The following ADORA2B variants were observed in gnomAD, a reference collection of about 807,000 sequenced individuals.
The protein encoded by ADORA2B is adenosine A2b receptor, also known as adenosine receptor A2b.
Under a neutral mutation model 20.8 loss-of-function variants are expected in ADORA2B, and 18 were observed. The ratio of observed to expected loss-of-function variants is 0.87; its 90% CI spans 0.60 to 1.29. The LOEUF (loss-of-function observed/expected upper bound fraction) is 1.29, where lower values mean the gene tolerates loss of function less well. Ranked by LOEUF, ADORA2B falls within the 50% of genes most tolerant of loss-of-function variation. ADORA2B has a pLI of 0.00. For missense variants in ADORA2B, 441 were observed against 422.7 expected (o/e 1.04, Z -0.38); for synonymous variants, 179 against 178.3 (o/e 1.00, Z -0.03).
chr17:15,955,529 C>T (rs1969955788), intron 1 of ADORA2B, among the ~76,000 whole-genome samples: 1 of 151,816 alleles, frequency 6.6e-6, no homozygotes, highest in South Asian at 2.1e-4. Context: ...GCCTCACCCT[C>T]CCGAGTAGCT....
the ADORA2B span, among the ~76,000 whole-genome samples, chr17:15,890,734 G>A: frequency 1.3e-5 from 2 of 152,136 alleles, no homozygotes; most frequent in African/African-American, 4.8e-5. Flanking sequence ...CACGGAGCTG[G>A]CCTCTGAGCA....
chr17:15,948,470 G>C (rs142680549), intron 1 of ADORA2B, among the ~76,000 whole-genome samples: 7 of 150,288 alleles, frequency 4.7e-5, no homozygotes, highest in Admixed American at 6.7e-5. Context: ...GGAGGTGGAC[G>C]TGTACAGGCA....
chr17:15,924,176 G>A, the ADORA2B span, among the ~76,000 whole-genome samples: 1 of 152,188 alleles, frequency 6.6e-6, no homozygotes, highest in Non-Finnish European at 1.5e-5. Flanking sequence ...GCCTCCCAAA[G>A]TGCTGGGATG....
the ADORA2B span, among the ~76,000 whole-genome samples, chr17:15,926,259 C>T: frequency 2.0e-5 from 3 of 151,934 alleles, no homozygotes; most frequent in African/African-American, 7.3e-5. Flanking sequence ...CGGGGTTGTG[C>T]CCTTTTGGAG....
At chr17:15,909,227 A>C in the ADORA2B span, among the ~76,000 whole-genome samples, 3 of 151,908 alleles carry the variant, frequency 2.0e-5, no homozygotes, top group African/African-American at 7.3e-5. Context: ...ACAACAACAA[A>C]ACTTTGCTCT....
chr17:15,901,920 T>C, the ADORA2B span, among the ~76,000 whole-genome samples: 1 of 152,170 alleles, frequency 6.6e-6, no homozygotes, highest in African/African-American at 2.4e-5. Context: ...AGTTTACAGT[T>C]CAGTGGTATT....
chr17:15,958,708 CCTT>C (rs1970000857), intron 1 of ADORA2B, among the ~76,000 whole-genome samples: 1 of 152,206 alleles, frequency 6.6e-6, no homozygotes, highest in African/African-American at 2.4e-5. Flanking sequence ...CCTGCGGTGA[CCTT>C]CTCTCTATCT....
chr17:15,920,080 C>A, the ADORA2B span, among the ~76,000 whole-genome samples: 2 of 151,948 alleles, frequency 1.3e-5, no homozygotes, highest in Non-Finnish European at 2.9e-5. Flanking sequence ...TTTTTGAAAT[C>A]TTTTATTTTG....
At chr17:15,914,458 G>A in the ADORA2B span, among the ~76,000 whole-genome samples, 2 of 152,130 alleles carry the variant, frequency 1.3e-5, no homozygotes, top group South Asian at 2.1e-4. Context: ...TCCCATCCGA[G>A]TCTCCCAAAG....
the ADORA2B span, among the ~76,000 whole-genome samples, chr17:15,889,754 C>T: frequency 8.7e-4 from 111 of 128,204 alleles, 35 homozygotes; most frequent in African/African-American, 3.7e-3. Context: ...AAAAATTAGC[C>T]GGGTGTGGTA....
chr17:15,868,495 G>A, the ADORA2B span, among the ~76,000 whole-genome samples: 1 of 139,146 alleles, frequency 7.2e-6, no homozygotes, highest in Non-Finnish European at 1.6e-5. Flanking sequence ...ATTCATGGCC[G>A]GGTGTGGTGG....
the ADORA2B span, among the ~76,000 whole-genome samples, chr17:15,925,905 G>A: frequency 6.6e-6 from 1 of 152,050 alleles, no homozygotes; most frequent in South Asian, 2.1e-4. Flanking sequence ...AGGAGGCAGA[G>A]GTTGCAATGA....
chr17:15,892,535 G>A, the ADORA2B span, among the ~76,000 whole-genome samples: 4 of 152,144 alleles, frequency 2.6e-5, no homozygotes, highest in South Asian at 8.3e-4. Flanking sequence ...GACTGACTCG[G>A]TCCCCCAAAC....
At chr17:15,914,618 G>A in the ADORA2B span, among the ~76,000 whole-genome samples, 6 of 152,356 alleles carry the variant, frequency 3.9e-5, no homozygotes, top group East Asian at 5.8e-4. Flanking sequence ...GCTCCTGTGG[G>A]TCACCCATTG....
At chr17:15,938,271 C>T in the ADORA2B span, among the ~76,000 whole-genome samples, 2 of 152,094 alleles carry the variant, frequency 1.3e-5, no homozygotes, top group East Asian at 1.9e-4. Flanking sequence ...CAAATTTTTT[C>T]ATTAAATCAA....
At chr17:15,904,776 A>G in the ADORA2B span, among the ~76,000 whole-genome samples, 1 of 152,144 alleles carries the variant, frequency 6.6e-6, no homozygotes, top group Non-Finnish European at 1.5e-5. Context: ...TTGTTGTTGC[A>G]TATGGGCATC....
At chr17:15,851,480 C>T in the ADORA2B span, among the ~76,000 whole-genome samples, 2 of 152,008 alleles carry the variant, frequency 1.3e-5, no homozygotes, top group South Asian at 4.2e-4. Flanking sequence ...GTGCCTGCCT[C>T]ATACTGCCCA....
chr17:15,929,533 C>T, the ADORA2B span, among the ~76,000 whole-genome samples: 1 of 152,198 alleles, frequency 6.6e-6, no homozygotes, highest in African/African-American at 2.4e-5. Context: ...CTCCTCCCTC[C>T]ACCAGGTATC....
At chr17:15,933,725 G>T in the ADORA2B span, among the ~76,000 whole-genome samples, 1 of 151,738 alleles carries the variant, frequency 6.6e-6, no homozygotes, top group South Asian at 2.1e-4. Context: ...ATCTCTTAGG[G>T]TTTTCTATAT....
Sources: gnomAD v4.1 joint callset for allele counts (sites outside exome capture counted in the v4.1 genomes callset) on GRCh38, gnomAD v4.1.1 for gene constraint, MANE v1.5 for transcripts, NCBI Gene and HGNC (gene_info 2026-07-23, HGNC 2026-07-21) for gene names.